The following ANO5 variants were observed in gnomAD, a reference collection of about 807,000 sequenced individuals.
ANO5 encodes anoctamin 5.
A neutral mutation model predicts 121.0 loss-of-function variants in ANO5; 109 were observed. That is an observed-to-expected ratio of 0.90 (90% CI 0.77 to 1.06). The LOEUF is 1.06. Among genes scored for constraint, ANO5 ranks in the 50% least tolerant of loss-of-function variants. The pLI is 0.00. For synonymous variants in ANO5, 406 were observed against 359.9 expected, an observed-to-expected ratio of 1.13 and a Z score of -1.45; for missense variants, 1,064 against 1,078.5, an observed-to-expected ratio of 0.99 and a Z score of 0.19.
At chr11:22,224,777 A>C (rs1292955630) in intron 5 of ANO5, among the ~76,000 whole-genome samples, 1 of 152,120 alleles carries the variant, frequency 6.6e-6, no homozygotes, top group Non-Finnish European at 1.5e-5. Flanking sequence ...TTGGATGAAT[A>C]GATAAAGAAA....
chr11:22,220,560 G>A (rs1255358670), intron 4 of ANO5, among the ~76,000 whole-genome samples: 8 of 151,972 alleles, frequency 5.3e-5, no homozygotes, highest in Non-Finnish European at 1.2e-4. Flanking sequence ...AACTTGTGAT[G>A]CCAGCTAATA....
intron 17 of ANO5, 38 bp downstream of exon 17, chr11:22,263,081 A>G: frequency 6.6e-7 from 1 of 1,507,464 alleles, no homozygotes; most frequent in Non-Finnish European, 9.2e-7. Context: ...TGATTTAAGT[A>G]ACCATGAGAT....
chr11:22,228,284 T>C (rs1852914990), intron 7 of ANO5, among the ~76,000 whole-genome samples: 1 of 151,752 alleles, frequency 6.6e-6, no homozygotes, highest in Non-Finnish European at 1.5e-5. Context: ...TAAGATGTTA[T>C]TATCATTATT....
chr11:22,243,513 T>C (rs1853503821), intron 9 of ANO5, among the ~76,000 whole-genome samples: 1 of 152,024 alleles, frequency 6.6e-6, no homozygotes, highest in Admixed American at 6.6e-5. Context: ...TTTGTATTTC[T>C]ATCTGCTAGT....
In ANO5 at chr11:22,250,295, A is replaced by G; in HGVS notation, c.937A>G (p.Met313Val). ...YFVFLGFYTE[M>V]LFFAAVVGLA... is the part of the protein sequence containing the mutation. ...TGTCTTTCTTGGATTTTACACAGAA[A>G]TGCTATTCTTTGCAGCTGTAGTTGG... is the stretch of plus-strand genomic sequence containing the variant. Residue 313 changes from methionine to valine, a missense_variant, in exon 10 of 22, where the codon ATG becomes GTG. By Grantham distance (21) the Met-to-Val change is conservative (BLOSUM62 1). Coordinates refer to ENST00000324559, the MANE Select transcript of ANO5 (RefSeq NM_213599.3). 1 of 1,611,558 alleles carries G rather than the reference A, an allele frequency of 6.2e-7. No individual in the cohort carries two copies. The highest frequency in any genetic ancestry group is 1.1e-5 in the South Asian group (1 of 90,954).
chr11:22,196,302 A>G (rs1285162642), intron 1 of ANO5, among the ~76,000 whole-genome samples: 1 of 152,092 alleles, frequency 6.6e-6, no homozygotes, highest in African/African-American at 2.4e-5. Context: ...TTCATTAGGA[A>G]CCCAATTCTA....
chr11:22,217,079 A>C (rs1243661989), intron 3 of ANO5, among the ~76,000 whole-genome samples: 1 of 151,988 alleles, frequency 6.6e-6, no homozygotes, highest in Non-Finnish European at 1.5e-5. Context: ...ATTTTAAAAC[A>C]ACAGCAATAC....
In ANO5 at chr11:22,221,126, T is replaced by C. The variant is rs756537398; in HGVS notation, c.210T>C (p.Ser70=). The C allele has an allele frequency of 3.1e-6, 5 of 1,611,664 alleles. No individual in the cohort carries two copies. In the African/African-American group the frequency reaches 6.7e-5, roughly 22 times the overall value. Residue 70 remains serine (S), a synonymous_variant, in exon 5 of 22, where the codon TCT becomes TCC. Coordinates refer to ENST00000324559, the MANE Select transcript of ANO5 (RefSeq NM_213599.3). ...MFQKNQQSKD[S]IFFRDGIRQI... ...AAAAAAATCAGCAAAGCAAAGATTC[T>C]ATCTTCTTCCGAGATGGGATTAGGC...
intron 7 of ANO5, among the ~76,000 whole-genome samples, chr11:22,230,886 C>T (rs1385289926): frequency 6.6e-6 from 1 of 152,002 alleles, no homozygotes; most frequent in East Asian, 1.9e-4. Context: ...CCACTTCTAT[C>T]TCCACCTTCA....
At chr11:22,263,401 T>A (rs1854261717) in intron 17 of ANO5, among the ~76,000 whole-genome samples, 1 of 152,220 alleles carries the variant, frequency 6.6e-6, no homozygotes, top group Admixed American at 6.5e-5. Flanking sequence ...AAATGCTATA[T>A]CCTCTGCAGT....
In ANO5 at chr11:22,204,959, A is replaced by G. The variant is rs528718966; in HGVS notation, c.87+1109A>G. ...ATGGAATCAACCTAAATGCCCATCAATGATAGATTGGATAAAGAAAATGTG... is the reference window on the plus strand; with the variant it reads ...ATGGAATCAACCTAAATGCCCATCAGTGATAGATTGGATAAAGAAAATGTG... On this transcript the variant is annotated intron_variant, in intron 2 of 21. Transcript: ENST00000324559. Among the ~76,000 whole-genome samples, 16 of 152,276 alleles carry G rather than the reference A, an allele frequency of 1.1e-4. No individual in the cohort carries two copies. In the South Asian group the frequency reaches 3.1e-3, roughly 30 times the overall value.
intron 9 of ANO5, among the ~76,000 whole-genome samples, chr11:22,246,061 C>A (rs976582063): frequency 6.6e-6 from 1 of 152,110 alleles, no homozygotes; most frequent in Non-Finnish European, 1.5e-5. Flanking sequence ...CTATTTCTTT[C>A]ATTTCTACGA....
chr11:22,193,553 G>A, intron 1 of ANO5, 21 bp downstream of exon 1: 3 of 1,610,786 alleles, frequency 1.9e-6, no homozygotes, highest in South Asian at 2.2e-5. Context: ...GCCAAGAGGC[G>A]TCAAGGGAGA....
chr11:22,231,957 C>A (rs1853056160), intron 7 of ANO5, among the ~76,000 whole-genome samples: 1 of 151,932 alleles, frequency 6.6e-6, no homozygotes, highest in Admixed American at 6.6e-5. Flanking sequence ...GTGAACACAG[C>A]CATGTGACCA....
chr11:22,262,191 T>A lies in ANO5; in HGVS notation c.1693T>A (p.Phe565Ile). The change falls in exon 16 of 22, where the codon TTT becomes ATT. Residue 565 changes from phenylalanine (F) to isoleucine (I), a missense_variant. Transcript: ENST00000324559. The stretch of plus-strand genomic sequence containing the variant: ...TACCTTGAAAATGTTCCTGTTTCAG[T>A]TTGTAAATTTTTACTCATCCTGCTT... Reference protein sequence around the residue: ...SLTLKMFLFQFVNFYSSCFYV... With the variant: ...SLTLKMFLFQIVNFYSSCFYV... 6.2e-7 allele frequency: 1 copy of A among 1,613,996 alleles called. No individual in the cohort carries two copies. The highest frequency in any genetic ancestry group is 8.5e-7 in the Non-Finnish European group (1 of 1,179,960).
chr11:22,225,933 A>G (rs1852812517), intron 5 of ANO5, 51 bp from the exon 6 acceptor site: 14 of 1,417,964 alleles, frequency 9.9e-6, no homozygotes, highest in Non-Finnish European at 1.4e-5. Flanking sequence ...AATACTGAGC[A>G]AATAAAACAA....
chr11:22,222,210 C>T (rs1264480051), intron 5 of ANO5, among the ~76,000 whole-genome samples: 1 of 151,974 alleles, frequency 6.6e-6, no homozygotes, highest in East Asian at 1.9e-4. Context: ...TAAATCTCAT[C>T]AGATTTATTA....
chr11:22,212,333 T>C (rs2133556067), intron 3 of ANO5, among the ~76,000 whole-genome samples: 1 of 152,092 alleles, frequency 6.6e-6, no homozygotes, highest in Non-Finnish European at 1.5e-5. Context: ...CTTTCTTCTT[T>C]GTCCTCTCAG....
rs150412089 is a variant in ANO5, at chr11:22,255,323, T to A, written c.1181-48T>A. On this transcript the variant is annotated intron_variant, in intron 12 of 21. Coordinates refer to ENST00000324559, the MANE Select transcript of ANO5 (RefSeq NM_213599.3). ...TAATTAAAGGGAAAAGTTGAAAAAG[T>A]TTTTAACTTTTTTAATATCTTTTTT... 16,709 of 1,456,584 alleles carry A rather than the reference T, an allele frequency of 0.011. 130 individuals carry two copies. The highest frequency in any genetic ancestry group is 0.014 in the Non-Finnish European group (15,186 of 1,085,346). 90.2% of individuals were successfully genotyped at this position (1,456,584 alleles called of 1,614,324 possible).
Sources: allele counts gnomAD v4.1 joint callset (sites outside exome capture counted in the v4.1 genomes callset), GRCh38; gene constraint gnomAD v4.1.1; transcripts MANE v1.5; gene names NCBI Gene and HGNC (gene_info 2026-07-23, HGNC 2026-07-21).